Variants in MATCAP1 observed in about 807,000 individuals in gnomAD.
MATCAP1 encodes the protein microtubule-associated tyrosine carboxypeptidase 1.
chr16:67,179,354 G>A, the MATCAP1 span: 1 of 1,526,796 alleles, frequency 6.5e-7, no homozygotes, highest in Non-Finnish European at 8.8e-7. The surrounding 1 kb of genome is among the most constrained non-coding windows in gnomAD (Gnocchi z 5.2). Flanking sequence ...AGTTATTGGG[G>A]CCCCTCCTTC....
the MATCAP1 span, chr16:67,178,324 T>A: frequency 6.3e-7 from 1 of 1,582,172 alleles, no homozygotes; most frequent in South Asian, 1.2e-5. Context: ...CGCGGCGCGG[T>A]GGATGGTGTA....
At chr16:67,179,961 G>A in the MATCAP1 span, 1 of 1,614,172 alleles carries the variant, frequency 6.2e-7, no homozygotes, top group Non-Finnish European at 8.5e-7. This position sits in a 1 kb window ranked among gnomAD's most constrained non-coding sequence, Gnocchi z 5.2. Flanking sequence ...CCAACTGCCT[G>A]TACACGGGGC....
At chr16:67,182,349 G>A in the MATCAP1 span, among the ~76,000 whole-genome samples, 2 of 151,868 alleles carry the variant, frequency 1.3e-5, no homozygotes, top group African/African-American at 4.8e-5. Context: ...TACCTTGCTG[G>A]TCATCCCTGT....
the MATCAP1 span, chr16:67,179,823 C>G: frequency 6.2e-7 from 1 of 1,614,198 alleles, no homozygotes; most frequent in Non-Finnish European, 8.5e-7. The surrounding 1 kb of genome is among the most constrained non-coding windows in gnomAD (Gnocchi z 5.2). Flanking sequence ...ACCTCCCCAG[C>G]GCAGCCCTCC....
chr16:67,183,231 C>T, the MATCAP1 span: 6 of 152,194 alleles, frequency 3.9e-5, no homozygotes, highest in Non-Finnish European at 7.3e-5. Flanking sequence ...GGCCCAGTCC[C>T]CTCCATCTCC....
the MATCAP1 span, chr16:67,180,661 C>T: frequency 8.1e-6 from 11 of 1,364,378 alleles, no homozygotes; most frequent in African/African-American, 1.4e-5. Context: ...CCCACACTGT[C>T]GACCTCTGGG....
At chr16:67,179,076 G>T in the MATCAP1 span, 1 of 1,172,020 alleles carries the variant, frequency 8.5e-7, no homozygotes, top group South Asian at 1.9e-5. This position sits in a 1 kb window ranked among gnomAD's most constrained non-coding sequence, Gnocchi z 5.2. Context: ...ATCCACCCTG[G>T]AGGGCCAGCG....
the MATCAP1 span, among the ~76,000 whole-genome samples, chr16:67,180,907 G>C: frequency 6.6e-6 from 1 of 152,174 alleles, no homozygotes; most frequent in Admixed American, 6.5e-5. Context: ...TGTTGCCCAA[G>C]GTGGAGTGCA....
chr16:67,179,658 G>GCCAGGGCACCCACCCTTCATCA, the MATCAP1 span: 1 of 1,470,326 alleles, frequency 6.8e-7, no homozygotes, highest in South Asian at 1.2e-5. The surrounding 1 kb of genome is among the most constrained non-coding windows in gnomAD (Gnocchi z 5.2). Context: ...CAGACAATTG[G>GCCAGGGCACCCACCCTTCATCA]CCAGGGCACC....
chr16:67,182,249 C>CAAA, the MATCAP1 span, among the ~76,000 whole-genome samples: 4 of 46,320 alleles, frequency 8.6e-5, no homozygotes, highest in African/African-American at 1.6e-4. Flanking sequence ...AACTCCATCT[C>CAAA]AAAAAAAAAA....
chr16:67,175,857 A>AGAG, the MATCAP1 span: 1 of 152,214 alleles, frequency 6.6e-6, no homozygotes, highest in African/African-American at 2.4e-5. Flanking sequence ...ACCTGGTCTA[A>AGAG]GAGGGGTTCA....
chr16:67,176,586 C>T, the MATCAP1 span: 39 of 425,848 alleles, frequency 9.2e-5, no homozygotes, highest in African/African-American at 3.7e-4. The surrounding 1 kb of genome is among the most constrained non-coding windows in gnomAD (Gnocchi z 4.3). Context: ...GGCAGGAGGG[C>T]GACTCAGTTT....
chr16:67,179,324 G>A, the MATCAP1 span: 5 of 1,511,500 alleles, frequency 3.3e-6, no homozygotes, highest in Non-Finnish European at 4.4e-6. This position sits in a 1 kb window ranked among gnomAD's most constrained non-coding sequence, Gnocchi z 5.2. Flanking sequence ...CAGGAGGGAA[G>A]GGGGAGAAAC....
At chr16:67,181,959 A>G in the MATCAP1 span, among the ~76,000 whole-genome samples, 5 of 152,254 alleles carry the variant, frequency 3.3e-5, no homozygotes, top group Admixed American at 3.3e-4. Flanking sequence ...GTTAATCACT[A>G]CCTCCTGGAG....
At chr16:67,176,998 A>G in the MATCAP1 span, 1 of 1,505,236 alleles carries the variant, frequency 6.6e-7, no homozygotes, top group Non-Finnish European at 8.9e-7. The surrounding 1 kb of genome is among the most constrained non-coding windows in gnomAD (Gnocchi z 4.3). Flanking sequence ...GCCGGGCATC[A>G]GGCATAGGCA....
At chr16:67,179,598 C>T in the MATCAP1 span, 18 of 1,594,690 alleles carry the variant, frequency 1.1e-5, no homozygotes, top group South Asian at 1.8e-4. This position sits in a 1 kb window ranked among gnomAD's most constrained non-coding sequence, Gnocchi z 5.2. Context: ...TGGCCACCAG[C>T]CTGGGGCCAG....
the MATCAP1 span, among the ~76,000 whole-genome samples, chr16:67,181,056 G>T: frequency 1.3e-5 from 2 of 152,338 alleles, no homozygotes; most frequent in Admixed American, 1.3e-4. Flanking sequence ...ACCCACCTAG[G>T]TGGTGGTTAC....
chr16:67,177,017 T>C, the MATCAP1 span: 1 of 1,467,988 alleles, frequency 6.8e-7, no homozygotes, highest in Non-Finnish European at 9.1e-7. Flanking sequence ...CAGTGGCCCC[T>C]GGCTTTCAGG....
chr16:67,182,749 A>T, the MATCAP1 span, among the ~76,000 whole-genome samples: 1 of 152,020 alleles, frequency 6.6e-6, no homozygotes, highest in African/African-American at 2.4e-5. Context: ...ACTTTCCTCA[A>T]ATCTCTGCAT....
Sources: gnomAD v4.1 joint callset for allele counts (sites outside exome capture counted in the v4.1 genomes callset) on GRCh38, gnomAD v4.1.1 for gene constraint, Gnocchi (gnomAD v3.1) non-coding constraint, MANE v1.5 for transcripts, NCBI Gene and HGNC (gene_info 2026-07-23, HGNC 2026-07-21) for gene names.